The following ZNF718 variants were observed in gnomAD, a reference collection of about 807,000 sequenced individuals.
ZNF718 encodes zinc finger protein 718.
Under a neutral mutation model 2.6 loss-of-function variants are expected in ZNF718, and 3 were observed. The ratio of observed to expected loss-of-function variants is 1.16; its 90% CI spans 0.53 to 3.01. The LOEUF (loss-of-function observed/expected upper bound fraction) is 3.01, where lower values mean the gene tolerates loss of function less well. Ranked by LOEUF, ZNF718 falls within the 30% of genes most tolerant of loss-of-function variation. The probability of loss-of-function intolerance (pLI) is 0.03; values close to 1 mark genes in which losing one functional copy is unlikely to be tolerated. For missense variants in ZNF718, 468 were observed against 230.0 expected, an observed-to-expected ratio of 2.03 and a Z score of -6.69; for synonymous variants, 135 against 77.9, an observed-to-expected ratio of 1.73 and a Z score of -3.86.
At position 171,888 on chromosome 4, in the gene ZNF718, C is replaced by T. The variant is rs187379909; in HGVS notation, c.227-29193C>T. Among the ~76,000 whole-genome samples the T allele has an allele frequency of 3.3e-5, 5 of 152,304 alleles. No homozygotes were observed. In the East Asian group the frequency reaches 7.7e-4, roughly 24 times the overall value. On this transcript the variant is annotated intron_variant and NMD_transcript_variant, in intron 3 of 4. Transcript: ENST00000642529. ...TCCAACACTCCCTAGTGAGATGAAC[C>T]CGGTACCTCAGTTGGAAATGCAGAA... is the stretch of plus-strand genomic sequence containing the variant.
chr4:200,693 AT>A (rs1298897518), intron 3 of ZNF718, among the ~76,000 whole-genome samples: 45 of 150,950 alleles, frequency 3.0e-4, no homozygotes, highest in Non-Finnish European at 5.8e-4. Flanking sequence ...GGGAAGGTGC[AT>A]TTTTTTTTAA....
At position 163,156 on chromosome 4, in the gene ZNF718, G is replaced by C. The variant is rs1553815987; in HGVS notation, c.*1034G>C. Reference sequence around the variant, plus strand: ...ATGAATTGTTGCATCAGAGGTATGAGTGATTCTTTTTAGGTGGGCATCATT... The same window carrying C: ...ATGAATTGTTGCATCAGAGGTATGACTGATTCTTTTTAGGTGGGCATCATT... On this transcript the variant is annotated 3_prime_UTR_variant, in exon 4 of 4. Transcript: ENST00000510175. 1 of 151,908 alleles carries C rather than the reference G, an allele frequency of 6.6e-6. No individual in the cohort carries two copies. Among genetic ancestry groups the C allele is most frequent in the African/African-American group, 2.4e-5 (1 of 41,356 alleles). The allele number at this position is 151,908 out of a possible 1,614,324, so 9.4% of individuals were successfully genotyped here. A position where few individuals can be genotyped will look rare whatever the true frequency, so the allele number is the denominator to read the frequency against.
intron 3 of ZNF718, chr4:149,947 C>T (rs1256676876): frequency 6.6e-6 from 1 of 152,032 alleles, no homozygotes; most frequent in Non-Finnish European, 1.5e-5. Flanking sequence ...AGTATATTTA[C>T]ATTATATTGC....
At chr4:166,531 T>C (rs183578303), downstream of ZNF718, among the ~76,000 whole-genome samples, 1,935 of 152,338 alleles carry the variant, frequency 0.013, 48 homozygotes, top group African/African-American at 0.044. Flanking sequence ...GACTTTTTAA[T>C]GATCGCCATT....
At position 161,784 on chromosome 4, in the gene ZNF718, T is replaced by A. The variant is rs1553815357; in HGVS notation, c.1099T>A (p.Tyr367Asn). ...GAGAATCCATACTGGAGAGAAACCCTACACATGTGAAGAATGTGGAAAAGC... is the reference window on the plus strand; with the variant it reads ...GAGAATCCATACTGGAGAGAAACCCAACACATGTGAAGAATGTGGAAAAGC... ...HKRIHTGEKP[Y>N]TCEECGKAFN... Residue 367 changes from tyrosine to asparagine, a missense_variant, in exon 4 of 4, where the codon TAC becomes AAC. Physicochemically the swap from Tyr to Asn is moderately radical, Grantham distance 143. Coordinates refer to ENST00000510175, the MANE Select transcript of ZNF718 (RefSeq NM_001039127.6). The A allele has an allele frequency of 1.3e-6, 1 of 780,776 alleles. No homozygotes were observed. Among genetic ancestry groups the A allele is most frequent in the South Asian group, 1.3e-5 (1 of 74,606 alleles). 48.4% of individuals were successfully genotyped at this position (780,776 alleles called of 1,614,324 possible). A position where few individuals can be genotyped will look rare whatever the true frequency, so the allele number is the denominator to read the frequency against.
At chr4:153,056 A>G (rs1486232666) in intron 3 of ZNF718, among the ~76,000 whole-genome samples, 2 of 151,788 alleles carry the variant, frequency 1.3e-5, no homozygotes, top group Admixed American at 6.6e-5. Flanking sequence ...TCCCAAACAT[A>G]TAAATCTTTA....
intron 3 of ZNF718, among the ~76,000 whole-genome samples, chr4:144,198 G>A (rs1337260813): frequency 1.3e-5 from 2 of 152,232 alleles, no homozygotes; most frequent in East Asian, 3.8e-4. Flanking sequence ...GCACTGTGGA[G>A]TGTACTTTCA....
In ZNF718 at chr4:161,437, G is replaced by A. The variant is rs183390733; in HGVS notation, c.752G>A (p.Gly251Glu). 174 of 780,456 alleles carry A rather than the reference G, an allele frequency of 2.2e-4. No homozygotes were observed. The African/African-American group carries it at 2.6e-3, about 12-fold the overall frequency. 48.3% of individuals were successfully genotyped at this position (780,456 alleles called of 1,614,324 possible). A position where few individuals can be genotyped will look rare whatever the true frequency, so the allele number is the denominator to read the frequency against. ...ACTAAACATAAGAGAATTCATACTG[G>A]AGAGAAACCCTACATATGTGAAAAA... ...HLTKHKRIHT[G>E]EKPYICEKCG... The change falls in exon 4 of 4, where the codon GGA becomes GAA. Residue 251 changes from glycine (G) to glutamate (E), a missense_variant. Coordinates refer to ENST00000510175, the MANE Select transcript of ZNF718 (RefSeq NM_001039127.6).
At chr4:160,193 C>G (rs983295542) in intron 3 of ZNF718, among the ~76,000 whole-genome samples, 2 of 152,152 alleles carry the variant, frequency 1.3e-5, no homozygotes, top group African/African-American at 4.8e-5. Flanking sequence ...TTCCAAAAAC[C>G]AGAAGTAGGA....
In ZNF718 at chr4:161,749, C is replaced by A. The variant is rs377670108; in HGVS notation, c.1064C>A (p.Thr355Lys). The part of the protein sequence containing the change: ...GKSFNRSTTL[T>K]THKRIHTGEK... The stretch of plus-strand genomic sequence containing the variant: ...TCCTTTAATAGGTCCACAACTCTTA[C>A]GACACATAAGAGAATCCATACTGGA... The change falls in exon 4 of 4, where the codon ACG becomes AAG. Residue 355 changes from threonine to lysine, a missense_variant. Thr to Lys is a moderately conservative substitution (Grantham distance 78). Coordinates refer to ENST00000510175, the MANE Select transcript of ZNF718 (RefSeq NM_001039127.6). The A allele has an allele frequency of 7.7e-6, 6 of 779,536 alleles. No individual in the cohort carries two copies. In the Admixed American group the frequency reaches 8.5e-5, roughly 11 times the overall value. The allele number at this position is 779,536 out of a possible 1,614,324, so 48.3% of individuals were successfully genotyped here.
intron 3 of ZNF718, among the ~76,000 whole-genome samples, chr4:138,756 A>G (rs1385530585): frequency 6.6e-6 from 1 of 152,132 alleles, no homozygotes; most frequent in Non-Finnish European, 1.5e-5. Context: ...AGAGAGTACT[A>G]GAGTTCAACT....
chr4:179,184 A>G lies in ZNF718; in HGVS notation c.227-21897A>G, dbSNP rs370638320. Among the ~76,000 whole-genome samples, 7 of 152,294 alleles carry G rather than the reference A, an allele frequency of 4.6e-5. No individual in the cohort carries two copies. In the South Asian group the frequency reaches 1.2e-3, roughly 27 times the overall value. On this transcript the variant is annotated intron_variant and NMD_transcript_variant, in intron 3 of 4. Transcript: ENST00000642529. ...TTTGGTCATGATAACCTAGTAAAAA[A>G]TTATTTGATAATATTCCCAAAAGTT... is the stretch of plus-strand genomic sequence containing the variant.
intron 3 of ZNF718, among the ~76,000 whole-genome samples, chr4:141,093 G>A (rs1135336): frequency 3.3e-5 from 5 of 151,476 alleles, no homozygotes; most frequent in Non-Finnish European, 7.4e-5. Context: ...AGGATTTTTT[G>A]TTTTTTAGGG....
chr4:126,312 TTTC>T (rs1247007511), intron 1 of ZNF718, among the ~76,000 whole-genome samples: 3 of 152,254 alleles, frequency 2.0e-5, no homozygotes, highest in Admixed American at 6.5e-5. Flanking sequence ...TCTTCTCCCT[TTTC>T]TTAAAGCATT....
At chr4:169,670 C>G (rs1459369624) in intron 3 of ZNF718, among the ~76,000 whole-genome samples, 1 of 152,278 alleles carries the variant, frequency 6.6e-6, no homozygotes, top group African/African-American at 2.4e-5. Flanking sequence ...ACTAGGATTT[C>G]AACCCCTGCC....
intron 3 of ZNF718, among the ~76,000 whole-genome samples, chr4:179,847 T>C (rs1467039094): frequency 6.6e-6 from 1 of 152,202 alleles, no homozygotes; most frequent in Non-Finnish European, 1.5e-5. Context: ...TTAATTCACT[T>C]TATTGAATTG....
Position 163,850 on chromosome 4 carries a change from AT to A in ZNF718, c.*1734del, listed in dbSNP as rs1288014874. The A allele has an allele frequency of 4.0e-5, 6 of 151,816 alleles. No individual in the cohort carries two copies. The highest frequency in any genetic ancestry group is 1.2e-4 in the African/African-American group (5 of 41,400). 9.4% of individuals were successfully genotyped at this position (151,816 alleles called of 1,614,324 possible). A position where few individuals can be genotyped will look rare whatever the true frequency, so the allele number is the denominator to read the frequency against. On this transcript the variant is annotated 3_prime_UTR_variant, in exon 4 of 4. Transcript: ENST00000510175. Reference sequence around the variant, plus strand: ...ATTGTTCTCATGTTAAATTTTTATTATTTTTTATATTTAAATTTATTTTTAA... The same window carrying A: ...ATTGTTCTCATGTTAAATTTTTATTATTTTTATATTTAAATTTATTTTTAA...
intron 3 of ZNF718, among the ~76,000 whole-genome samples, chr4:144,499 T>C (rs1553810845): frequency 6.6e-6 from 1 of 152,222 alleles, no homozygotes; most frequent in East Asian, 1.9e-4. Flanking sequence ...GAGTCTTTTA[T>C]GGGTCTGTCT....
chr4:167,798 CAG>C (rs1560126624), downstream of ZNF718, among the ~76,000 whole-genome samples: 3 of 152,116 alleles, frequency 2.0e-5, no homozygotes, highest in African/African-American at 7.2e-5. Flanking sequence ...CATCTGCAAA[CAG>C]GGACAATTTT....
Sources: allele counts gnomAD v4.1 joint callset (sites outside exome capture counted in the v4.1 genomes callset), GRCh38; gene constraint gnomAD v4.1.1; transcripts MANE v1.5; gene names NCBI Gene and HGNC (gene_info 2026-07-23, HGNC 2026-07-21).